The following BNC2 variants were observed in gnomAD, a reference collection of about 807,000 sequenced individuals.
BNC2 encodes basonuclin zinc finger protein 2.
A neutral mutation model predicts 76.3 loss-of-function variants in BNC2; 20 were observed. That is an observed-to-expected ratio of 0.26 (90% CI 0.18 to 0.38). The LOEUF is 0.38. Among genes scored for constraint, BNC2 ranks in the 10% least tolerant of loss-of-function variants. The pLI, the probability that BNC2 is intolerant of heterozygous loss-of-function variation, is 1.00. For synonymous variants in BNC2, 582 were observed against 514.8 expected (o/e 1.13, Z -1.77); for missense variants, 1,382 against 1,399.8 (o/e 0.99, Z 0.20).
intron 3 of BNC2, among the ~76,000 whole-genome samples, chr9:16,596,255 TC>T (rs1469605404): frequency 2.0e-5 from 3 of 152,042 alleles, no homozygotes; most frequent in Admixed American, 1.3e-4. Context: ...GCAGGGGAGA[TC>T]AACCTATTTA....
chr9:16,453,599 G>T (rs982807252), intron 5 of BNC2, among the ~76,000 whole-genome samples: 2 of 152,098 alleles, frequency 1.3e-5, no homozygotes, highest in East Asian at 3.8e-4. Flanking sequence ...ACATTCTGGT[G>T]TCAAGGTGCT....
At chr9:16,839,023 T>G (rs1025275974) in intron 1 of BNC2, among the ~76,000 whole-genome samples, 1 of 152,224 alleles carries the variant, frequency 6.6e-6, no homozygotes, top group Non-Finnish European at 1.5e-5. Flanking sequence ...TCAGTAGAGG[T>G]GAGCTAACAG....
At chr9:16,655,416 GACTCAGGTA>G (rs1367866772) in intron 3 of BNC2, among the ~76,000 whole-genome samples, 1 of 152,056 alleles carries the variant, frequency 6.6e-6, no homozygotes, top group African/African-American at 2.4e-5. Context: ...GACAGTATGA[GACTCAGGTA>G]ACTATCTTGG....
intron 2 of BNC2, among the ~76,000 whole-genome samples, chr9:16,733,813 G>C (rs1010333729): frequency 4.0e-5 from 6 of 151,862 alleles, no homozygotes; most frequent in African/African-American, 1.5e-4. Flanking sequence ...GAACTTGGGA[G>C]GTGGAAGTTG....
chr9:16,788,327 GCAGATCA>G (rs1563943616), intron 1 of BNC2, among the ~76,000 whole-genome samples: 33 of 151,622 alleles, frequency 2.2e-4, no homozygotes, highest in Admixed American at 5.9e-4. Context: ...GCCAAGGTGG[GCAGATCA>G]TGAAGTCAGG....
intron 3 of BNC2, among the ~76,000 whole-genome samples, chr9:16,657,679 T>TA (rs1821969472): frequency 6.6e-6 from 1 of 152,122 alleles, no homozygotes; most frequent in African/African-American, 2.4e-5. Context: ...GAATTAGAAA[T>TA]AAACTCTAGG....
intron 1 of BNC2, among the ~76,000 whole-genome samples, chr9:16,841,928 G>C (rs369591396): frequency 6.6e-6 from 1 of 151,798 alleles, no homozygotes; most frequent in Non-Finnish European, 1.5e-5. Context: ...TCCTGCCTCA[G>C]CCTCCCAAGT....
intron 4 of BNC2, among the ~76,000 whole-genome samples, chr9:16,571,155 A>C (rs1303087614): frequency 4.6e-5 from 7 of 152,206 alleles, no homozygotes; most frequent in Non-Finnish European, 7.3e-5. Flanking sequence ...CACATATGTG[A>C]TCTCCTAATT....
chr9:16,561,200 T>C (rs1215980196), intron 4 of BNC2, among the ~76,000 whole-genome samples: 4 of 151,716 alleles, frequency 2.6e-5, no homozygotes, highest in African/African-American at 4.8e-5. Context: ...GACTGCCCTA[T>C]TGCACTCCGC....
At chr9:16,751,241 C>A (rs544951073) in intron 1 of BNC2, among the ~76,000 whole-genome samples, 1 of 148,774 alleles carries the variant, frequency 6.7e-6, no homozygotes, top group East Asian at 1.9e-4. Context: ...CTAAAATATT[C>A]TCTTAAATTG....
chr9:16,411,955 G>A lies in BNC2; in HGVS notation c.*7034C>T, dbSNP rs775315376. The A allele has an allele frequency of 6.6e-6, 1 of 152,182 alleles. No individual in the cohort carries two copies. Among genetic ancestry groups the A allele is most frequent in the African/African-American group, 2.4e-5 (1 of 41,424 alleles). 9.4% of individuals were successfully genotyped at this position (152,182 alleles called of 1,614,324 possible). ...CTTGATAGATCTTGCACTTCATTTA[G>A]TCACTAACTAGTCACTTTCCAACCA... On this transcript the variant is annotated 3_prime_UTR_variant, in exon 7 of 7. Transcript: ENST00000380672.
chr9:16,814,009 C>G (rs1403889432), intron 1 of BNC2, among the ~76,000 whole-genome samples: 1 of 152,116 alleles, frequency 6.6e-6, no homozygotes, highest in Admixed American at 6.6e-5. Context: ...AAGGATTTGG[C>G]TTGTCTCGTC....
At chr9:16,421,177 A>T in intron 6 of BNC2, 1 of 901,474 alleles carries the variant, frequency 1.1e-6, no homozygotes. Context: ...CCACCTTTCC[A>T]CACAAGACAA....
chr9:16,416,037 T>G lies in BNC2; in HGVS notation c.*2952A>C, dbSNP rs2118971150. ...TTTCTAACTGGCTATACACATTAGCTTGGTTTGCAGCAAGTAACAAACATT... is the reference window on the plus strand; with the variant it reads ...TTTCTAACTGGCTATACACATTAGCGTGGTTTGCAGCAAGTAACAAACATT... On this transcript the variant is annotated 3_prime_UTR_variant, in exon 7 of 7. Transcript: ENST00000380672. 6.6e-6 allele frequency: 1 copy of G among 152,318 alleles called. No individual in the cohort carries two copies. Among genetic ancestry groups the G allele is most frequent in the Admixed American group, 6.5e-5 (1 of 15,298 alleles). The allele number at this position is 152,318 out of a possible 1,614,324, so 9.4% of individuals were successfully genotyped here.
chr9:16,519,306 C>A (rs1817543784), intron 5 of BNC2, among the ~76,000 whole-genome samples: 1 of 152,122 alleles, frequency 6.6e-6, no homozygotes, highest in Non-Finnish European at 1.5e-5. Flanking sequence ...AGGAGTAGCC[C>A]TAGTTGAATG....
At chr9:16,726,611 A>C (rs893082759) in intron 3 of BNC2, among the ~76,000 whole-genome samples, 1 of 150,670 alleles carries the variant, frequency 6.6e-6, no homozygotes, top group Non-Finnish European at 1.5e-5. Flanking sequence ...CTTGAGTGGC[A>C]CAACATTTCT....
At position 16,848,336 on chromosome 9, in the gene BNC2, T is replaced by C. The variant is rs189102465; in HGVS notation, c.3+22310A>G. Among the ~76,000 whole-genome samples the C allele has an allele frequency of 2.0e-5, 3 of 152,244 alleles. No homozygotes were observed. In the East Asian group the frequency reaches 5.8e-4, roughly 29 times the overall value. ...GTGAAGAGGAGGTATTGTGAATGGG[T>C]GCTGGAAACATAAAGCTTGTAATTA... is the stretch of plus-strand genomic sequence containing the variant. On this transcript the variant is annotated intron_variant, in intron 1 of 6. Coordinates refer to ENST00000380672, the MANE Select transcript of BNC2 (RefSeq NM_017637.6).
chr9:16,734,322 G>A (rs1824601832), intron 2 of BNC2, among the ~76,000 whole-genome samples: 2 of 152,248 alleles, frequency 1.3e-5, no homozygotes, highest in South Asian at 2.1e-4. Context: ...TTAAAAACCT[G>A]GGACATGAAT....
chr9:16,464,056 C>T (rs1339204780), intron 5 of BNC2, among the ~76,000 whole-genome samples: 3 of 132,854 alleles, frequency 2.3e-5, no homozygotes, highest in Non-Finnish European at 4.6e-5. Context: ...ATTGTGCTAC[C>T]GAACTCCAGC....
Sources: gnomAD v4.1 joint callset for allele counts (sites outside exome capture counted in the v4.1 genomes callset) on GRCh38, gnomAD v4.1.1 for gene constraint, MANE v1.5 for transcripts, NCBI Gene and HGNC (gene_info 2026-07-23, HGNC 2026-07-21) for gene names.